The following B3GALT1 variants were observed in gnomAD, a reference collection of about 807,000 sequenced individuals.
B3GALT1 encodes the protein beta-1,3-galactosyltransferase 1, also known as UDP-Gal:betaGlcNAc beta 1,3-galactosyltransferase, polypeptide 1.
B3GALT1 carries 10 observed loss-of-function variants against 23.2 expected under a neutral mutation model. That is an observed-to-expected ratio of 0.43 (90% CI 0.27 to 0.73). B3GALT1 has a LOEUF of 0.73. Ranked by LOEUF, B3GALT1 falls within the 30% of genes least tolerant of loss-of-function variation. The probability of loss-of-function intolerance (pLI) is 0.21; values close to 1 mark genes in which losing one functional copy is unlikely to be tolerated. For missense variants in B3GALT1, 299 were observed against 405.4 expected (o/e 0.74, Z 2.25); for synonymous variants, 156 against 141.5 (o/e 1.10, Z -0.73).
intron 3 of B3GALT1, among the ~76,000 whole-genome samples, chr2:167,740,221 AG>A (rs1203153551): frequency 1.3e-5 from 2 of 152,154 alleles, no homozygotes; most frequent in Non-Finnish European, 2.9e-5. Flanking sequence ...CACATTTAAT[AG>A]GTTCTCTGAG....
At chr2:167,664,651 G>C (rs544728816) in intron 3 of B3GALT1, among the ~76,000 whole-genome samples, 1 of 152,168 alleles carries the variant, frequency 6.6e-6, no homozygotes, top group Admixed American at 6.5e-5. Flanking sequence ...GCAGTGGTTT[G>C]TAGTTCTCCT....
At chr2:167,669,190 T>C (rs1574202675) in intron 3 of B3GALT1, among the ~76,000 whole-genome samples, 1 of 152,228 alleles carries the variant, frequency 6.6e-6, no homozygotes, top group East Asian at 1.9e-4. Context: ...TTTTTTCTCC[T>C]CTTATGTCAC....
At chr2:167,689,786 A>T (rs571526695) in intron 3 of B3GALT1, among the ~76,000 whole-genome samples, 2 of 152,178 alleles carry the variant, frequency 1.3e-5, no homozygotes, top group African/African-American at 4.8e-5. Context: ...CTATTTCTGG[A>T]TATATTTTGA....
chr2:167,369,068 TG>T (rs1254114110), intron 1 of B3GALT1, among the ~76,000 whole-genome samples: 2 of 7,656 alleles, frequency 2.6e-4, no homozygotes, highest in Non-Finnish European at 3.4e-3. Flanking sequence ...TATTTGTGTG[TG>T]TGTGTGTGTG....
chr2:167,690,903 T>C (rs1686701497), intron 3 of B3GALT1, among the ~76,000 whole-genome samples: 1 of 152,132 alleles, frequency 6.6e-6, no homozygotes, highest in South Asian at 2.1e-4. Flanking sequence ...GGTGCGCCTT[T>C]GTTTATATAA....
chr2:167,824,326 T>A (rs1423663877), intron 4 of B3GALT1, among the ~76,000 whole-genome samples: 2 of 151,840 alleles, frequency 1.3e-5, no homozygotes, highest in African/African-American at 4.8e-5. Context: ...ATAGCTGGAG[T>A]GTAAAGAAAG....
At chr2:167,646,306 CAT>C (rs544035695) in intron 2 of B3GALT1, among the ~76,000 whole-genome samples, 187 of 152,292 alleles carry the variant, frequency 1.2e-3, no homozygotes, top group Non-Finnish European at 2.4e-3. Context: ...CCAGGTCACT[CAT>C]GGGTAGGACC....
intron 3 of B3GALT1, among the ~76,000 whole-genome samples, chr2:167,671,648 A>G (rs997077183): frequency 1.3e-5 from 2 of 152,116 alleles, no homozygotes; most frequent in Non-Finnish European, 2.9e-5. Flanking sequence ...AAGTATTCCT[A>G]AGAGGAAAGT....
intron 3 of B3GALT1, among the ~76,000 whole-genome samples, chr2:167,762,242 T>C (rs1262738807): frequency 6.6e-6 from 1 of 152,162 alleles, no homozygotes; most frequent in Non-Finnish European, 1.5e-5. Context: ...TGATGTTTAA[T>C]TGAGATGAAA....
At chr2:167,696,765 AG>A (rs1302399540) in intron 3 of B3GALT1, among the ~76,000 whole-genome samples, 2 of 152,218 alleles carry the variant, frequency 1.3e-5, no homozygotes, top group Non-Finnish European at 2.9e-5. Flanking sequence ...AGTATTGTAT[AG>A]CAGGTTTCTA....
intron 3 of B3GALT1, among the ~76,000 whole-genome samples, chr2:167,662,526 G>T (rs547815466): frequency 1.3e-5 from 2 of 152,062 alleles, no homozygotes; most frequent in African/African-American, 4.8e-5. Flanking sequence ...GTATGGAATG[G>T]CATCATGTCT....
chr2:167,512,591 T>TGTGTATATATATATGTATATATATATAC (rs1700032390), intron 2 of B3GALT1, among the ~76,000 whole-genome samples: 3 of 41,858 alleles, frequency 7.2e-5, no homozygotes, highest in South Asian at 1.1e-3. Context: ...TATATATATA[T>TGTGTATATATATATGTATATATATATAC]GTGTATATAT....
chr2:167,731,263 A>G (rs1448841), intron 3 of B3GALT1, among the ~76,000 whole-genome samples: 148,537 of 152,308 alleles, frequency 0.98, 72,549 homozygotes, highest in East Asian at 1. Flanking sequence ...CTAGCTAGTC[A>G]TCAGTAAATG....
chr2:167,520,585 A>C (rs1700172868), intron 2 of B3GALT1, among the ~76,000 whole-genome samples: 1 of 152,150 alleles, frequency 6.6e-6, no homozygotes, highest in Non-Finnish European at 1.5e-5. Flanking sequence ...AAATGCCTTG[A>C]GCATCGCAAA....
chr2:167,743,575 G>C (rs544022681), intron 3 of B3GALT1, among the ~76,000 whole-genome samples: 71 of 151,944 alleles, frequency 4.7e-4, no homozygotes, highest in African/African-American at 1.7e-3. Context: ...TGTAGTTATA[G>C]AACTATTTCA....
chr2:167,441,868 T>A (rs1698898699), intron 1 of B3GALT1, among the ~76,000 whole-genome samples: 1 of 151,792 alleles, frequency 6.6e-6, no homozygotes, highest in Admixed American at 6.6e-5. Context: ...TGTTTTTTTT[T>A]TTTTAATTTA....
intron 3 of B3GALT1, among the ~76,000 whole-genome samples, chr2:167,704,553 G>T (rs1686941139): frequency 6.6e-6 from 1 of 151,790 alleles, no homozygotes; most frequent in Non-Finnish European, 1.5e-5. Flanking sequence ...AAAAAACTAG[G>T]AATGCCTCAT....
chr2:167,715,517 A>G, intron 3 of B3GALT1: 2 of 1,612,788 alleles, frequency 1.2e-6, no homozygotes, highest in Non-Finnish European at 1.7e-6. Context: ...TTGTGATTTG[A>G]GGGATTTTGA....
At chr2:167,736,932 C>A (rs1687501973) in intron 3 of B3GALT1, among the ~76,000 whole-genome samples, 1 of 151,378 alleles carries the variant, frequency 6.6e-6, no homozygotes, top group South Asian at 2.1e-4. Flanking sequence ...ACTCTGTCCC[C>A]CCCTTCCCCC....
Sources: gnomAD v4.1 joint callset for allele counts (sites outside exome capture counted in the v4.1 genomes callset) on GRCh38, gnomAD v4.1.1 for gene constraint, MANE v1.5 for transcripts, NCBI Gene and HGNC (gene_info 2026-07-23, HGNC 2026-07-21) for gene names.